Variants in ZDHHC6 observed in about 807,000 individuals in gnomAD.
The protein encoded by ZDHHC6 is zDHHC palmitoyltransferase 6.
Under a neutral mutation model 57.8 loss-of-function variants are expected in ZDHHC6, and 32 were observed. That is an observed-to-expected ratio of 0.55 (90% CI 0.42 to 0.74). The LOEUF (loss-of-function observed/expected upper bound fraction) is 0.74, where lower values mean the gene tolerates loss of function less well. Ranked by LOEUF, ZDHHC6 falls within the 30% of genes least tolerant of loss-of-function variation. The pLI is 0.00. For synonymous variants in ZDHHC6, 128 were observed against 158.0 expected, an observed-to-expected ratio of 0.81 and a Z score of 1.42; for missense variants, 433 against 500.7, an observed-to-expected ratio of 0.86 and a Z score of 1.29.
chr10:112,432,113 G>T, intron 10 of ZDHHC6, 127 bp downstream of exon 10: 1 of 870,174 alleles, frequency 1.1e-6, no homozygotes, highest in Non-Finnish European at 1.7e-6. Context: ...TTGTTGCTTA[G>T]TGATATACCC....
chr10:112,436,633 C>A (rs1325078395), intron 6 of ZDHHC6, among the ~76,000 whole-genome samples: 2 of 152,182 alleles, frequency 1.3e-5, no homozygotes, highest in Non-Finnish European at 2.9e-5. Flanking sequence ...AAGCTATTTT[C>A]ATAATAATAC....
intron 7 of ZDHHC6, among the ~76,000 whole-genome samples, chr10:112,433,731 T>A (rs1436259891): frequency 6.6e-6 from 1 of 152,220 alleles, no homozygotes; most frequent in African/African-American, 2.4e-5. Context: ...TAAATAGCAC[T>A]ATATTAGATA....
chr10:112,442,133 A>T, intron 4 of ZDHHC6, 59 bp downstream of exon 4: 1 of 1,475,558 alleles, frequency 6.8e-7, no homozygotes, highest in Non-Finnish European at 9.0e-7. Context: ...AAATGTTGAT[A>T]ACTACCATTT....
Position 112,433,296 on chromosome 10 carries a change from T to C in ZDHHC6, c.904-15A>G. The C allele has an allele frequency of 6.4e-7, 1 of 1,551,572 alleles. No homozygotes were observed. ...AACTGTTCTATCTGTTTGGAAGAAATAAAAAGAAAAAAATGAAGTCTCTTG... is the reference window on the plus strand; with the variant it reads ...AACTGTTCTATCTGTTTGGAAGAAACAAAAAGAAAAAAATGAAGTCTCTTG... On this transcript the variant is annotated splice_polypyrimidine_tract_variant and intron_variant, in intron 7 of 10. Transcript: ENST00000369405.
chr10:112,445,337 A>G lies in ZDHHC6; in HGVS notation c.100T>C (p.Cys34Arg). 6.2e-7 allele frequency: 1 copy of G among 1,614,238 alleles called. No homozygotes were observed. The highest frequency in any genetic ancestry group is 8.5e-7 in the Non-Finnish European group (1 of 1,180,044). The stretch of plus-strand genomic sequence containing the variant: ...GAGTCAATCATGGCCATGGTAGAAC[A>G]TATTGCTATAACACCAAGGGCTATG... ...PIIALGVIAI[C>R]STMAMIDSVL... Residue 34 changes from cysteine (C) to arginine (R), a missense_variant, in exon 2 of 11, where the codon TGT becomes CGT. By Grantham distance (180) the Cys-to-Arg change is radical. Transcript: ENST00000369405.
chr10:112,444,533 G>A (rs951745163), intron 2 of ZDHHC6, among the ~76,000 whole-genome samples: 5 of 152,072 alleles, frequency 3.3e-5, no homozygotes, highest in Admixed American at 6.6e-5. Context: ...AGTGCTTCCC[G>A]AACTTTAATA....
downstream of ZDHHC6, chr10:112,430,159 T>TA (rs750050703): frequency 2.0e-5 from 3 of 152,352 alleles, no homozygotes; most frequent in Non-Finnish European, 4.4e-5. Flanking sequence ...ATAGGGTTAA[T>TA]ATCTTGAAGC....
At chr10:112,447,372 C>T, upstream of ZDHHC6, 1 of 1,613,060 alleles carries the variant, frequency 6.2e-7, no homozygotes, top group Non-Finnish European at 8.5e-7. Flanking sequence ...TCCGGAGCCG[C>T]CATGTCGTCC....
chr10:112,439,628 TAAAAAAAAAAAAAAAAAA>T (rs869272293), intron 5 of ZDHHC6, among the ~76,000 whole-genome samples: 380 of 31,302 alleles, frequency 0.012, 8 homozygotes, highest in Admixed American at 0.021. Flanking sequence ...AGACTCCGTC[TAAAAAAAAAAAAAAAAAA>T]AAAAAAAAAA....
Position 112,432,375 on chromosome 10 carries a change from C to T in ZDHHC6, c.1091+1G>A. The T allele has an allele frequency of 1.2e-6, 2 of 1,614,080 alleles. No homozygotes were observed. Among genetic ancestry groups the T allele is most frequent in the Non-Finnish European group, 1.7e-6 (2 of 1,180,004 alleles). On this transcript the variant is annotated splice_donor_variant, in intron 9 of 10. Coordinates refer to ENST00000369405, the MANE Select transcript of ZDHHC6 (RefSeq NM_022494.3). LOFTEE classifies it high-confidence loss of function. Reference sequence around the variant, plus strand: ...GAAATGCAGTACTTCCTATTACTTACCGTAAACCTCTTGTGGCTAAAATGA... The same window carrying T: ...GAAATGCAGTACTTCCTATTACTTATCGTAAACCTCTTGTGGCTAAAATGA...
At chr10:112,433,356 T>C in intron 7 of ZDHHC6, 75 bp from the exon 8 acceptor site, 1 of 1,240,160 alleles carries the variant, frequency 8.1e-7, no homozygotes, top group Non-Finnish European at 1.1e-6. Context: ...CCTCATCAAC[T>C]GTCAGAGTGA....
chr10:112,428,986 G>A (rs1402701675), downstream of ZDHHC6, among the ~76,000 whole-genome samples: 1 of 152,180 alleles, frequency 6.6e-6, no homozygotes, highest in Non-Finnish European at 1.5e-5. Flanking sequence ...AATACCAGCT[G>A]AGCCAAAACT....
chr10:112,434,533 GAACA>G, intron 6 of ZDHHC6, 69 bp from the exon 7 acceptor site: 1 of 1,411,926 alleles, frequency 7.1e-7, no homozygotes, highest in African/African-American at 1.5e-5. Flanking sequence ...ATGTTATTGA[GAACA>G]CTTATTTCTC....
At chr10:112,433,695 A>G (rs1190798428) in intron 7 of ZDHHC6, 2 of 159,004 alleles carry the variant, frequency 1.3e-5, no homozygotes, top group African/African-American at 2.4e-5. Context: ...AAAAGTCATC[A>G]TAACTTAATT....
chr10:112,425,697 G>A, downstream of ZDHHC6: 1 of 416,504 alleles, frequency 2.4e-6, no homozygotes, highest in Non-Finnish European at 4.2e-6. Flanking sequence ...CAAGTCAGTA[G>A]AATTGTTTAG....
chr10:112,437,427 TAAGA>T (rs1845647737), intron 6 of ZDHHC6, among the ~76,000 whole-genome samples: 1 of 152,180 alleles, frequency 6.6e-6, no homozygotes, highest in South Asian at 2.1e-4. Flanking sequence ...ATCTTATTGA[TAAGA>T]AATATCACTT....
intron 4 of ZDHHC6, among the ~76,000 whole-genome samples, chr10:112,441,068 A>ACTC (rs1846074606): frequency 6.6e-6 from 1 of 150,522 alleles, no homozygotes; most frequent in Non-Finnish European, 1.5e-5. Flanking sequence ...CTGGTCTTGA[A>ACTC]CTCCTGACCT....
downstream of ZDHHC6, among the ~76,000 whole-genome samples, chr10:112,430,105 C>T (rs1844899672): frequency 6.6e-6 from 1 of 152,240 alleles, no homozygotes; most frequent in African/African-American, 2.4e-5. Context: ...CCTCAGGCCA[C>T]CACTGCCATC....
At chr10:112,433,335 A>G in intron 7 of ZDHHC6, 54 bp from the exon 8 acceptor site, 1 of 1,432,382 alleles carries the variant, frequency 7.0e-7, no homozygotes, top group South Asian at 1.4e-5. Flanking sequence ...CAATGTTGAA[A>G]AATCGCCTTT....
Sources: allele counts gnomAD v4.1 joint callset (sites outside exome capture counted in the v4.1 genomes callset), GRCh38; gene constraint gnomAD v4.1.1; transcripts MANE v1.5; gene names NCBI Gene and HGNC (gene_info 2026-07-23, HGNC 2026-07-21).